Variants in INCENP observed in about 807,000 individuals in gnomAD.
INCENP encodes the protein binds and activates aurora-B and -C in vivo and in vitro.
A neutral mutation model predicts 107.3 loss-of-function variants in INCENP; 43 were observed. The observed-to-expected ratio is 0.40, with a 90% CI of 0.31 to 0.52. INCENP has a LOEUF of 0.52. INCENP is among the 20% of genes least tolerant of loss of function. The pLI, the probability that INCENP is intolerant of heterozygous loss-of-function variation, is 0.53. For synonymous variants in INCENP, 488 were observed against 494.4 expected (o/e 0.99, Z 0.17); for missense variants, 1,089 against 1,250.9 (o/e 0.87, Z 1.95).
Position 62,140,617 on chromosome 11 carries a change from C to T in INCENP, c.1344-87C>T, listed in dbSNP as rs1402585475. On this transcript the variant is annotated intron_variant, in intron 8 of 18. Transcript: ENST00000394818. Reference sequence around the variant, plus strand: ...AGTCTAGAGGCCTGTGGCCTGGGCCCGGTATTGTTCACCGGGGTGACTTTT... The same window carrying T: ...AGTCTAGAGGCCTGTGGCCTGGGCCTGGTATTGTTCACCGGGGTGACTTTT... The T allele has an allele frequency of 1.5e-5, 17 of 1,151,780 alleles. 1 individual carries two copies. Among genetic ancestry groups the T allele is most frequent in the South Asian group, 4.1e-5 (3 of 73,904 alleles). The allele number at this position is 1,151,780 out of a possible 1,614,324, so 71.3% of individuals were successfully genotyped here. A position where few individuals can be genotyped will look rare whatever the true frequency, so the allele number is the denominator to read the frequency against.
intron 11 of INCENP, chr11:62,141,885 G>T: frequency 2.7e-6 from 1 of 370,270 alleles, no homozygotes. Context: ...GGTCCCCAGA[G>T]CTACTGAGAT....
Position 62,130,534 on chromosome 11 carries a change from G to A in INCENP, c.1007G>A (p.Ser336Asn), listed in dbSNP as rs766698436. The A allele has an allele frequency of 6.2e-6, 10 of 1,614,010 alleles. No individual in the cohort carries two copies. Among genetic ancestry groups the A allele is most frequent in the Middle Eastern group, 1.6e-4 (1 of 6,062 alleles). The change falls in exon 4 of 19, where the codon AGC becomes AAC. Residue 336 changes from serine (S) to asparagine (N), a missense_variant. By Grantham distance (46) the Ser-to-Asn change is conservative. Transcript: ENST00000394818. ...CAGGAAAGTGTTGTCCGCAGGGCGA[G>A]CAGAAGGCTTGCCAAGAAGACTGCC... is the stretch of plus-strand genomic sequence containing the variant. Reference protein sequence around the residue: ...AKQESVVRRASRRLAKKTAEE... With the variant: ...AKQESVVRRANRRLAKKTAEE...
At chr11:62,147,487 T>TGGG (rs1944276932) in intron 15 of INCENP, among the ~76,000 whole-genome samples, 1 of 152,262 alleles carries the variant, frequency 6.6e-6, no homozygotes, top group East Asian at 1.9e-4. Flanking sequence ...GCCTGGTTGT[T>TGGG]CTGAGAGTCG....
At chr11:62,125,462 T>G (rs1943728386) in intron 1 of INCENP, among the ~76,000 whole-genome samples, 1 of 152,254 alleles carries the variant, frequency 6.6e-6, no homozygotes, top group Admixed American at 6.5e-5. Flanking sequence ...GGCTGTGGTC[T>G]GGGTGCAGAA....
At chr11:62,144,335 C>CAAAAAAAAAAA (rs3972386) in intron 11 of INCENP, among the ~76,000 whole-genome samples, 1 of 133,868 alleles carries the variant, frequency 7.5e-6, no homozygotes, top group African/African-American at 2.8e-5. Context: ...TGTCTCCACA[C>CAAAAAAAAAAA]AAAAAAAAAA....
chr11:62,147,033 GC>G, intron 15 of INCENP, 131 bp downstream of exon 15: 1 of 1,413,254 alleles, frequency 7.1e-7, no homozygotes, highest in Non-Finnish European at 9.6e-7. Flanking sequence ...AAACCCAGAG[GC>G]CCACCTGAAT....
rs913193046 is a variant in INCENP, at chr11:62,150,153, G to A, written c.2488G>A (p.Asp830Asn). 1.9e-6 allele frequency: 3 copies of A among 1,614,004 alleles called. No individual in the cohort carries two copies. Among genetic ancestry groups the A allele is most frequent in the Non-Finnish European group, 2.5e-6 (3 of 1,180,004 alleles). The change falls in exon 18 of 19, where the codon GAC (aspartate) becomes AAC (asparagine). Residue 830 changes from aspartate to asparagine, a missense_variant. Transcript: ENST00000394818. Reference sequence around the variant, plus strand: ...CTACGGGATGGATCTGAATAGCGACGACTCCACCGATGATGAGGCCCATCC... The same window carrying A: ...CTACGGGATGGATCTGAATAGCGACAACTCCACCGATGATGAGGCCCATCC... Reference protein sequence around the residue: ...DNYGMDLNSDDSTDDEAHPRK... With the variant: ...DNYGMDLNSDNSTDDEAHPRK...
rs1565101419 is a variant in INCENP, at chr11:62,146,753, A to G, written c.2055A>G (p.Ala685=). ...LRKAAEAKRL[A]EQREQERREQ... ...AGGCGGCCGAGGCTAAGCGGCTGGCAGAGCAGCGGGAGCAGGAGCGGCGGG... is the reference window on the plus strand; with the variant it reads ...AGGCGGCCGAGGCTAAGCGGCTGGCGGAGCAGCGGGAGCAGGAGCGGCGGG... Residue 685 remains alanine, a synonymous_variant, in exon 15 of 19, where the codon GCA becomes GCG. Transcript: ENST00000394818. The G allele has an allele frequency of 6.5e-7, 1 of 1,540,402 alleles. No individual in the cohort carries two copies. Among genetic ancestry groups the G allele is most frequent in the Non-Finnish European group, 8.7e-7 (1 of 1,145,350 alleles).
At chr11:62,147,894 T>C (rs1031667903) in intron 15 of INCENP, among the ~76,000 whole-genome samples, 9 of 152,236 alleles carry the variant, frequency 5.9e-5, no homozygotes, top group African/African-American at 1.9e-4. Flanking sequence ...TGTCGGCAGC[T>C]TTGGTGGGTA....
rs928843643 is a variant in INCENP, at chr11:62,147,136, C to A, written c.2204+234C>A. On this transcript the variant is annotated intron_variant, in intron 15 of 18. Transcript: ENST00000394818. Reference sequence around the variant, plus strand: ...TCTGCCTCCAGCTGCATGTGCTGACCTCTTAGGTGTCTTTTTGTAACTGTC... The same window carrying A: ...TCTGCCTCCAGCTGCATGTGCTGACATCTTAGGTGTCTTTTTGTAACTGTC... Among the ~76,000 whole-genome samples the A allele has an allele frequency of 5.9e-5, 9 of 152,252 alleles. 1 individual carries two copies. The South Asian group carries it at 1.9e-3, about 32-fold the overall frequency.
At chr11:62,128,703 G>A in intron 2 of INCENP, 67 bp from the exon 3 acceptor site, 1 of 1,124,148 alleles carries the variant, frequency 8.9e-7, no homozygotes, top group Admixed American at 1.7e-5. Context: ...CAGGGGCCAG[G>A]CTGGGTGGGA....
chr11:62,150,178 C>T lies in INCENP; in HGVS notation c.2513C>T (p.Pro838Leu). 2 of 1,614,046 alleles carry T rather than the reference C, an allele frequency of 1.2e-6. No individual in the cohort carries two copies. Among genetic ancestry groups the T allele is most frequent in the Non-Finnish European group, 1.7e-6 (2 of 1,180,012 alleles). ...GACTCCACCGATGATGAGGCCCATC[C>T]CCGGAAGCCCATCCCCACCTGGGCC... ...SDDSTDDEAHPRKPIPTWARG... is the reference protein window; with the variant it reads ...SDDSTDDEAHLRKPIPTWARG... The change falls in exon 18 of 19, where the codon CCC (proline) becomes CTC (leucine). Residue 838 changes from proline to leucine, a missense_variant. Pro to Leu is a moderately conservative substitution (Grantham distance 98). Transcript: ENST00000394818.
chr11:62,146,605 T>C, intron 14 of INCENP, 53 bp from the exon 15 acceptor site: 8 of 1,545,470 alleles, frequency 5.2e-6, no homozygotes, highest in Admixed American at 2.0e-5. Context: ...GCTGCTGTCC[T>C]GCCTCTCTGG....
rs1232621789 is a variant in INCENP at position 62,138,764 on chromosome 11, G to A, written c.1167G>A (p.Glu389=). ...AGGCTGAGCCTGTGGCGGCAGCTGA[G>A]CCAGAGGTAAGACGGCTGCCTGGGG... The part of the protein sequence containing the change: ...PEEAEPVAAA[E]PEVPENNGNN... Residue 389 remains glutamate, a synonymous_variant, in exon 6 of 19, where the codon GAG becomes GAA. Transcript: ENST00000394818. The A allele has an allele frequency of 1.9e-6, 3 of 1,613,914 alleles. No homozygotes were observed. The African/African-American group carries it at 4.0e-5, about 22-fold the overall frequency.
chr11:62,148,531 G>A lies in INCENP; in HGVS notation c.2260G>A (p.Glu754Lys). 1.2e-6 allele frequency: 2 copies of A among 1,607,930 alleles called. No homozygotes were observed. Among genetic ancestry groups the A allele is most frequent in the Non-Finnish European group, 1.7e-6 (2 of 1,178,136 alleles). Reference protein sequence around the residue: ...LRLQKEQLQRELEEKKKKEEQ... With the variant: ...LRLQKEQLQRKLEEKKKKEEQ... ...GCTGCAGAAGGAGCAGCTGCAGAGG[G>A]AACTGGAGGAGAAGAAGAAGAAGGT... Residue 754 changes from glutamate to lysine, a missense_variant, in exon 16 of 19, where the codon GAA (glutamate) becomes AAA (lysine). Coordinates refer to ENST00000394818, the MANE Select transcript of INCENP (RefSeq NM_001040694.2).
chr11:62,145,815 G>T, intron 14 of INCENP, 64 bp downstream of exon 14: 2 of 1,502,792 alleles, frequency 1.3e-6, no homozygotes, highest in Middle Eastern at 2.4e-4. Flanking sequence ...AGCACCATGG[G>T]GCCCTACTGG....
At chr11:62,128,731 C>T in intron 2 of INCENP, 39 bp from the exon 3 acceptor site, 1 of 1,447,610 alleles carries the variant, frequency 6.9e-7, no homozygotes, top group Non-Finnish European at 9.7e-7. Context: ...CCAGTGGTTC[C>T]CAGGCAGCCT....
At chr11:62,141,355 G>T in intron 10 of INCENP, 145 bp from the exon 11 acceptor site, 1 of 1,037,934 alleles carries the variant, frequency 9.6e-7, no homozygotes, top group East Asian at 2.4e-5. Context: ...GTGAGGGTTG[G>T]GTGACAGGAG....
At position 62,150,066 on chromosome 11, in the gene INCENP, T is replaced by C. The variant is rs1394072257; in HGVS notation, c.2401T>C (p.Cys801Arg). 15 of 1,613,724 alleles carry C rather than the reference T, an allele frequency of 9.3e-6. No homozygotes were observed. The highest frequency in any genetic ancestry group is 1.3e-5 in the Non-Finnish European group (15 of 1,179,970). ...ACGTTTGTTTTTGCAGTCTCCAGCT[T>C]GTACCTCATATCAGATGACTCCGCA... ...NVTVDVQSPA[C>R]TSYQMTPQGH... The change falls in exon 18 of 19, where the codon TGT (cysteine) becomes CGT (arginine). Residue 801 changes from cysteine to arginine, a missense_variant. By Grantham distance (180) the Cys-to-Arg change is radical (BLOSUM62 -3). Coordinates refer to ENST00000394818, the MANE Select transcript of INCENP (RefSeq NM_001040694.2).
Sources: allele counts gnomAD v4.1 joint callset (sites outside exome capture counted in the v4.1 genomes callset), GRCh38; gene constraint gnomAD v4.1.1; transcripts MANE v1.5; gene names NCBI Gene and HGNC (gene_info 2026-07-23, HGNC 2026-07-21).